RP2: variants seen among roughly 807,000 people sequenced by gnomAD.
RP2 encodes the protein protein XRP2.
Under a neutral mutation model 20.3 loss-of-function variants are expected in RP2, and 3 were observed. The observed-to-expected ratio is 0.15, with a 90% CI of 0.07 to 0.38. The LOEUF (loss-of-function observed/expected upper bound fraction) is 0.38, where lower values mean the gene tolerates loss of function less well. Among genes scored for constraint, RP2 ranks in the 10% least tolerant of loss-of-function variants. RP2 has a pLI of 1.00. For synonymous variants in RP2, 75 were observed against 94.8 expected (o/e 0.79, Z 1.22); for missense variants, 233 against 268.5 (o/e 0.87, Z 0.92).
intron 1 of RP2, among the ~76,000 whole-genome samples, chrX:46,840,281 A>G (rs1173603634): frequency 8.9e-6 from 1 of 112,261 alleles, no homozygotes; most frequent in Non-Finnish European, 1.9e-5. Context: ...CTCCCAGCCC[A>G]GAGTATCTTT....
chrX:46,846,758 C>T (rs554688175), intron 1 of RP2, among the ~76,000 whole-genome samples: 2 of 111,404 alleles, frequency 1.8e-5, no homozygotes, highest in Non-Finnish European at 3.8e-5. Flanking sequence ...AGGGTCTGCT[C>T]AGTCTCCCAG....
intron 1 of RP2, among the ~76,000 whole-genome samples, chrX:46,845,810 C>G (rs952288448): frequency 1.8e-5 from 2 of 110,676 alleles, no homozygotes; most frequent in Non-Finnish European, 3.8e-5. Context: ...GTCACCCAGG[C>G]TGGAATGCAG....
In RP2 at chrX:46,853,472, G is replaced by A; in HGVS notation, c.103-4G>A. 8.3e-7 allele frequency: 1 copy of A among 1,207,666 alleles called. No individual in the cohort carries two copies. Among genetic ancestry groups the A allele is most frequent in the Non-Finnish European group, 1.1e-6 (1 of 892,989 alleles). ...TACTCAAGGTCTGTGTTTTGTTCCT[G>A]CAGGTTGATCCAAAAGACTACATGT... On this transcript the variant is annotated splice_polypyrimidine_tract_variant and splice_region_variant and intron_variant, in intron 1 of 4. Transcript: ENST00000218340.
chrX:46,847,788 A>G (rs782609167), intron 1 of RP2, among the ~76,000 whole-genome samples: 88 of 58,626 alleles, frequency 1.5e-3, no homozygotes, highest in African/African-American at 4.5e-3. Flanking sequence ...ACATACACAC[A>G]TGTGTGTGTG....
intron 4 of RP2, among the ~76,000 whole-genome samples, chrX:46,878,245 C>T (rs1280951764): frequency 9.2e-6 from 1 of 108,569 alleles, no homozygotes; most frequent in East Asian, 2.9e-4. Context: ...GGCGTAGTGG[C>T]GGGCGCCTGT....
At chrX:46,872,866 T>C (rs1453575128) in intron 3 of RP2, among the ~76,000 whole-genome samples, 1 of 110,674 alleles carries the variant, frequency 9.0e-6, no homozygotes, top group African/African-American at 3.3e-5. Flanking sequence ...GTCTCCCGAA[T>C]AGCTTGGACT....
chrX:46,846,813 G>C (rs1290910471), intron 1 of RP2, among the ~76,000 whole-genome samples: 5 of 110,513 alleles, frequency 4.5e-5, no homozygotes, highest in Non-Finnish European at 9.5e-5. Context: ...AGCCTGGACT[G>C]CCTGGGCTCC....
intron 1 of RP2, among the ~76,000 whole-genome samples, chrX:46,851,039 G>A (rs1210948146): frequency 1.8e-5 from 2 of 111,834 alleles, no homozygotes; most frequent in African/African-American, 6.5e-5. Flanking sequence ...TCCTAGTACA[G>A]CATGTAAAAC....
At chrX:46,859,601 AAATGT>A (rs1277886346) in intron 2 of RP2, among the ~76,000 whole-genome samples, 2 of 112,007 alleles carry the variant, frequency 1.8e-5, no homozygotes, top group Non-Finnish European at 3.8e-5. Flanking sequence ...GAACTGTGAT[AAATGT>A]AATGAACTGT....
At position 46,847,807 on chromosome X, in the gene RP2, T is replaced by TAC. The variant is rs782344322; in HGVS notation, c.103-5663_103-5662dup. 2.4e-3 allele frequency among the ~76,000 whole-genome samples: 219 copies of TAC among 92,203 alleles called. 2 individuals are homozygous for TAC. The highest frequency in any genetic ancestry group is 8.5e-3 in the African/African-American group (204 of 23,983). 80.1% of individuals were successfully genotyped at this position (92,203 alleles called of 115,157 possible). On this transcript the variant is annotated intron_variant, in intron 1 of 4. Coordinates refer to ENST00000218340, the MANE Select transcript of RP2 (RefSeq NM_006915.3). ...ACACACATGTGTGTGTGTATATATA[T>TAC]ACACACATATATGTGTATATGTGTA...
At chrX:46,872,362 G>A (rs987070523) in intron 3 of RP2, among the ~76,000 whole-genome samples, 1 of 112,167 alleles carries the variant, frequency 8.9e-6, no homozygotes, top group African/African-American at 3.2e-5. Context: ...TATTGATACA[G>A]TTGGATCAAA....
At chrX:46,857,714 A>G (rs893008613) in intron 2 of RP2, among the ~76,000 whole-genome samples, 1 of 112,490 alleles carries the variant, frequency 8.9e-6, no homozygotes, top group African/African-American at 3.2e-5. Context: ...AGTCTTTAAA[A>G]GTAGAATTTT....
Position 46,879,813 on chromosome X carries a change from T to C in RP2, c.*44T>C. ...GACTTGGTATTAAGCCTTTCCCAACTTGTGAATATAGAATTTGATAATACA... is the reference window on the plus strand; with the variant it reads ...GACTTGGTATTAAGCCTTTCCCAACCTGTGAATATAGAATTTGATAATACA... On this transcript the variant is annotated 3_prime_UTR_variant, in exon 5 of 5. Transcript: ENST00000218340. The C allele has an allele frequency of 1.2e-6, 1 of 813,274 alleles. No individual in the cohort carries two copies. The highest frequency in any genetic ancestry group is 1.8e-6 in the Non-Finnish European group (1 of 552,602). 67.0% of individuals were successfully genotyped at this position (813,274 alleles called of 1,213,427 possible). A position where few individuals can be genotyped will look rare whatever the true frequency, so the allele number is the denominator to read the frequency against.
chrX:46,847,711 CACACATATATGTGTGTGTGTATAT>C (rs1924745067), intron 1 of RP2, among the ~76,000 whole-genome samples: 2 of 74,337 alleles, frequency 2.7e-5, no homozygotes, highest in Admixed American at 1.6e-4. Context: ...TGTATATATA[CACACATATATGTGTGTGTGTATAT>C]ACACACATAT....
At chrX:46,841,770 T>C (rs1924625911) in intron 1 of RP2, among the ~76,000 whole-genome samples, 1 of 112,673 alleles carries the variant, frequency 8.9e-6, no homozygotes, top group Admixed American at 9.4e-5. Flanking sequence ...TGTCAAAGAA[T>C]TTGCCAGTAG....
Position 46,854,134 on chromosome X carries a change from T to A in RP2, c.761T>A (p.Ile254Asn). ...DYTIANARKL[I>N]DEMVGKGFFL... ...ACTATTGCAAATGCCAGAAAACTAA[T>A]TGATGAGGTAAGGAGAAAGAGAAGA... Residue 254 changes from isoleucine (I) to asparagine (N), a missense_variant, in exon 2 of 5, where the codon ATT becomes AAT. Coordinates refer to ENST00000218340, the MANE Select transcript of RP2 (RefSeq NM_006915.3). 8.3e-7 allele frequency: 1 copy of A among 1,205,449 alleles called. No homozygotes were observed. The highest frequency in any genetic ancestry group is 1.1e-6 in the Non-Finnish European group (1 of 891,241).
rs781973579 is a variant in RP2, at chrX:46,860,014, T to G, written c.795T>G (p.Val265=). The change falls in exon 3 of 5, where the codon GTT becomes GTG. Residue 265 remains valine, a synonymous_variant. Coordinates refer to ENST00000218340, the MANE Select transcript of RP2 (RefSeq NM_006915.3). ...DEMVGKGFFL[V]QTKEVSMKAE... is the part of the protein sequence containing the mutation. ...TGGTTGGTAAAGGCTTTTTCCTAGT[T>G]CAGACAAAGGAAGTGTCCATGAAAG... The G allele has an allele frequency of 9.9e-6, 12 of 1,208,538 alleles. No homozygotes were observed.
intron 3 of RP2, among the ~76,000 whole-genome samples, chrX:46,865,072 C>T (rs917341680): frequency 2.7e-5 from 3 of 112,303 alleles, no homozygotes; most frequent in Non-Finnish European, 5.6e-5. Flanking sequence ...ATATCCCTTA[C>T]CCAGCTTCCC....
At chrX:46,852,186 G>A (rs1031217467) in intron 1 of RP2, among the ~76,000 whole-genome samples, 1 of 109,908 alleles carries the variant, frequency 9.1e-6, no homozygotes, top group Admixed American at 9.7e-5. Context: ...CAGCCTGGGC[G>A]ACAGAGCGAG....
Sources: gnomAD v4.1 joint callset for allele counts (sites outside exome capture counted in the v4.1 genomes callset) on GRCh38, gnomAD v4.1.1 for gene constraint, MANE v1.5 for transcripts, NCBI Gene and HGNC (gene_info 2026-07-23, HGNC 2026-07-21) for gene names.